PLCE1: variants seen among roughly 807,000 people sequenced by gnomAD.
PLCE1 encodes the protein phospholipase C epsilon 1.
A neutral mutation model predicts 242.8 loss-of-function variants in PLCE1; 119 were observed. The observed-to-expected ratio is 0.49, with a 90% confidence interval of 0.42 to 0.57. The LOEUF is 0.57. Among genes scored for constraint, PLCE1 ranks in the 20% least tolerant of loss-of-function variants. PLCE1 has a pLI of 0.00. For synonymous variants in PLCE1, 945 were observed against 1,017.4 expected (o/e 0.93, Z 1.35); for missense variants, 2,441 against 2,788.8 (o/e 0.88, Z 2.81).
At chr10:94,215,052 A>G (rs1024597936) in intron 4 of PLCE1, among the ~76,000 whole-genome samples, 1 of 152,154 alleles carries the variant, frequency 6.6e-6, no homozygotes, top group Non-Finnish European at 1.5e-5. Flanking sequence ...GGGAAAATGG[A>G]GTCTTCCAGT....
At chr10:94,264,578 G>A (rs1221484441) in intron 14 of PLCE1, among the ~76,000 whole-genome samples, 2 of 137,516 alleles carry the variant, frequency 1.5e-5, no homozygotes, top group Non-Finnish European at 3.0e-5. Context: ...CTGGAGGGCA[G>A]TGGCGCGATC....
chr10:94,017,228 C>T (rs2061299316), intron 1 of PLCE1, among the ~76,000 whole-genome samples: 1 of 152,144 alleles, frequency 6.6e-6, no homozygotes, highest in Non-Finnish European at 1.5e-5. Flanking sequence ...TGGGGTTACA[C>T]CATCCAGAAA....
intron 4 of PLCE1, among the ~76,000 whole-genome samples, chr10:94,222,022 C>T (rs1053762769): frequency 5.3e-5 from 8 of 152,138 alleles, no homozygotes; most frequent in East Asian, 3.9e-4. Context: ...TCCCTGCCCA[C>T]GGCCTCCTGG....
In PLCE1 at chr10:94,246,378, T is replaced by C; in HGVS notation, c.2853T>C (p.Ile951=). ...VKAVYMGHPG[I]DIHTVCVQNK... is the part of the protein sequence containing the mutation. ...CTGTATACATGGGCCACCCTGGCAT[T>C]GATATACACACTGTGTGTGTTCAGA... Residue 951 remains isoleucine (I), a synonymous_variant, in exon 8 of 33, where the codon ATT becomes ATC. Transcript: ENST00000371380. 1 of 1,614,184 alleles carries C rather than the reference T, an allele frequency of 6.2e-7. No individual in the cohort carries two copies. Among genetic ancestry groups the C allele is most frequent in the African/African-American group, 1.3e-5 (1 of 75,052 alleles).
chr10:94,104,170 A>T lies in PLCE1; in HGVS notation c.1207-28004A>T, dbSNP rs548168537. The T allele has an allele frequency of 3.9e-5, 6 of 152,326 alleles. No homozygotes were observed. In the East Asian group the frequency reaches 9.7e-4, roughly 25 times the overall value. 9.4% of individuals were successfully genotyped at this position (152,326 alleles called of 1,614,324 possible). On this transcript the variant is annotated intron_variant, in intron 2 of 32. Transcript: ENST00000371380. ...CAACTAAGATTTATTTTATAAACACATATATGGTCCTTACTGTACAGCAGG... is the reference window on the plus strand; with the variant it reads ...CAACTAAGATTTATTTTATAAACACTTATATGGTCCTTACTGTACAGCAGG...
At chr10:93,994,637 A>G (rs2134118702) in intron 1 of PLCE1, among the ~76,000 whole-genome samples, 1 of 152,380 alleles carries the variant, frequency 6.6e-6, no homozygotes. Context: ...GTGTACATCA[A>G]GTCCTAGAAA....
chr10:94,045,177 T>G (rs12359171), intron 2 of PLCE1, among the ~76,000 whole-genome samples: 2 of 152,046 alleles, frequency 1.3e-5, no homozygotes, highest in East Asian at 3.9e-4. Flanking sequence ...ATTAAAAAAA[T>G]TTTTTTTGTA....
chr10:94,284,135 G>A (rs1245893265), intron 21 of PLCE1, among the ~76,000 whole-genome samples: 1 of 152,210 alleles, frequency 6.6e-6, no homozygotes, highest in Non-Finnish European at 1.5e-5. Context: ...GTGTATGTGT[G>A]GCAGGTACTG....
At chr10:94,204,751 G>GAAGT (rs2049097113) in intron 4 of PLCE1, among the ~76,000 whole-genome samples, 1 of 77,408 alleles carries the variant, frequency 1.3e-5, no homozygotes. Context: ...AGGGAGGGAG[G>GAAGT]AAGGAAGGAA....
rs1303206254 is a variant in PLCE1 at position 94,007,833 on chromosome 10, TTTGTTTTCTA to T, written c.-365+13577_-365+13586del. ...CTTTTGTTTTCGTGTGTGGTTTTCTTTTGTTTTCTATAAATGAGTTCATACTATGTTTTGT... is the reference window on the plus strand; with the variant it reads ...CTTTTGTTTTCGTGTGTGGTTTTCTTTAAATGAGTTCATACTATGTTTTGT... On this transcript the variant is annotated intron_variant, in intron 1 of 32. Coordinates refer to ENST00000371380, the MANE Select transcript of PLCE1 (RefSeq NM_016341.4). Among the ~76,000 whole-genome samples, 6 of 151,804 alleles carry T rather than the reference TTTGTTTTCTA, an allele frequency of 4.0e-5. No homozygotes were observed. In the East Asian group the frequency reaches 1.2e-3, roughly 29 times the overall value.
At chr10:94,013,632 A>C (rs1037172283) in intron 1 of PLCE1, among the ~76,000 whole-genome samples, 21 of 152,234 alleles carry the variant, frequency 1.4e-4, no homozygotes, top group Admixed American at 6.5e-5. Flanking sequence ...GCACATTCTC[A>C]GCTCTCAGGA....
chr10:94,126,770 C>T (rs888760533), intron 2 of PLCE1, among the ~76,000 whole-genome samples: 5 of 152,172 alleles, frequency 3.3e-5, no homozygotes, highest in African/African-American at 4.8e-5. Flanking sequence ...CATATTTGGT[C>T]ATTCATTAGA....
intron 2 of PLCE1, among the ~76,000 whole-genome samples, chr10:94,124,493 T>C (rs1321138847): frequency 6.6e-6 from 1 of 151,814 alleles, no homozygotes; most frequent in East Asian, 1.9e-4. Context: ...AGCCTCTTCG[T>C]GATAAAGATA....
chr10:94,153,810 T>G (rs1367811673), intron 3 of PLCE1, among the ~76,000 whole-genome samples: 1 of 152,132 alleles, frequency 6.6e-6, no homozygotes, highest in African/African-American at 2.4e-5. Flanking sequence ...AGGAATAAAT[T>G]TAACAAAAAA....
chr10:94,062,582 G>GTTTTTTTTTTTTTTTTTTTT (rs5787099), intron 2 of PLCE1, among the ~76,000 whole-genome samples: 2 of 142,348 alleles, frequency 1.4e-5, no homozygotes, highest in Non-Finnish European at 1.5e-5. Flanking sequence ...TCTTGGTTTT[G>GTTTTTTTTTTTTTTTTTTTT]TTTTTTTTTT....
intron 2 of PLCE1, among the ~76,000 whole-genome samples, chr10:94,113,477 C>T (rs2046018403): frequency 6.6e-6 from 1 of 152,142 alleles, no homozygotes; most frequent in Admixed American, 6.5e-5. Context: ...CCAAATAGCA[C>T]CTGAGTGTTC....
At chr10:94,272,899 T>C (rs1404778332) in intron 18 of PLCE1, among the ~76,000 whole-genome samples, 1 of 152,144 alleles carries the variant, frequency 6.6e-6, no homozygotes, top group African/African-American at 2.4e-5. Context: ...ATTTTTTTTT[T>C]CAATTAAAAA....
intron 3 of PLCE1, among the ~76,000 whole-genome samples, chr10:94,142,083 T>C (rs1271425759): frequency 1.3e-5 from 2 of 152,158 alleles, no homozygotes; most frequent in Non-Finnish European, 2.9e-5. Context: ...AGCCTCATTG[T>C]GTTTTGGATT....
In PLCE1 at chr10:94,226,878, C is replaced by G. The variant is rs1439122667; in HGVS notation, c.1810-428C>G. 4.3e-5 allele frequency among the ~76,000 whole-genome samples: 5 copies of G among 116,066 alleles called. No individual in the cohort carries two copies. The Admixed American group carries it at 6.0e-4, about 14-fold the overall frequency. 76.1% of individuals were successfully genotyped at this position (116,066 alleles called of 152,430 possible). On this transcript the variant is annotated intron_variant, in intron 4 of 32. Coordinates refer to ENST00000371380, the MANE Select transcript of PLCE1 (RefSeq NM_016341.4). ...TTTTTGAGACAGAGCCTTGCTCTGT[C>G]ACCCAGGCTGCAGTGCAGTGGTACA...
Sources: gnomAD v4.1 joint callset for allele counts (sites outside exome capture counted in the v4.1 genomes callset) on GRCh38, gnomAD v4.1.1 for gene constraint, MANE v1.5 for transcripts, NCBI Gene and HGNC (gene_info 2026-07-23, HGNC 2026-07-21) for gene names.